The following DIS3L2 variants were observed in gnomAD, a reference collection of about 807,000 sequenced individuals.
DIS3L2 encodes the protein DIS3-like exonuclease 2.
A neutral mutation model predicts 97.5 loss-of-function variants in DIS3L2; 34 were observed. The observed-to-expected ratio is 0.35, with a 90% CI of 0.27 to 0.46. The LOEUF is 0.46. DIS3L2 is among the 20% of genes least tolerant of loss of function. DIS3L2 has a pLI of 1.00. For missense variants in DIS3L2, 1,038 were observed against 1,146.0 expected, an observed-to-expected ratio of 0.91 and a Z score of 1.36; for synonymous variants, 435 against 445.2, an observed-to-expected ratio of 0.98 and a Z score of 0.29.
rs752108989 is a variant in DIS3L2 at position 232,074,890 on chromosome 2, C to T, written c.367-12597C>T. Among the ~76,000 whole-genome samples the T allele has an allele frequency of 4.6e-5, 7 of 152,084 alleles. No individual in the cohort carries two copies. The South Asian group carries it at 1.3e-3, about 27-fold the overall frequency. On this transcript the variant is annotated intron_variant, in intron 5 of 20. Transcript: ENST00000325385. ...GAGCCACCACACCTGGCCGAGGAAC[C>T]GTATAGTGAAAGAATGGCTAAGGAC...
At chr2:232,035,969 A>G (rs1049337196) in intron 5 of DIS3L2, among the ~76,000 whole-genome samples, 2 of 151,028 alleles carry the variant, frequency 1.3e-5, no homozygotes, top group East Asian at 2.0e-4. Context: ...CTTAATTTCA[A>G]CTTTTCCTTC....
chr2:232,053,295 A>G (rs1695457991), intron 5 of DIS3L2, among the ~76,000 whole-genome samples: 3 of 152,192 alleles, frequency 2.0e-5, no homozygotes, highest in African/African-American at 7.2e-5. Context: ...TATTATGTTA[A>G]AAGTAGTTTA....
chr2:232,088,514 A>T (rs1026244602), intron 6 of DIS3L2, among the ~76,000 whole-genome samples: 3 of 150,752 alleles, frequency 2.0e-5, no homozygotes, highest in Non-Finnish European at 4.4e-5. Context: ...GTGAGCCTAG[A>T]TTGTGCCACT....
At chr2:231,993,237 CT>C (rs796949965) in intron 1 of DIS3L2, among the ~76,000 whole-genome samples, 22 of 147,622 alleles carry the variant, frequency 1.5e-4, no homozygotes, top group Non-Finnish European at 1.5e-4. Flanking sequence ...ATGAAGTTAT[CT>C]TTTTTTTTTT....
chr2:232,306,309 A>G (rs142212665), intron 14 of DIS3L2, among the ~76,000 whole-genome samples: 1,689 of 152,226 alleles, frequency 0.011, 20 homozygotes, highest in Non-Finnish European at 0.017. Flanking sequence ...TTATGTGGGG[A>G]TCTCAGTTCC....
At chr2:232,119,812 T>A (rs186994692) in intron 6 of DIS3L2, among the ~76,000 whole-genome samples, 7 of 152,346 alleles carry the variant, frequency 4.6e-5, no homozygotes. Context: ...CTGAAGCCAC[T>A]GCATGGCCAG....
chr2:232,213,911 G>A (rs547624095), intron 10 of DIS3L2, among the ~76,000 whole-genome samples: 6 of 152,144 alleles, frequency 3.9e-5, no homozygotes, highest in Admixed American at 3.9e-4. Context: ...TAGGTTGCAG[G>A]CGGAGGAGAG....
intron 14 of DIS3L2, among the ~76,000 whole-genome samples, chr2:232,315,841 C>T (rs1258030475): frequency 1.3e-5 from 2 of 152,212 alleles, no homozygotes; most frequent in African/African-American, 4.8e-5. Flanking sequence ...AAGCCCAACA[C>T]AGCAAGGCCT....
intron 19 of DIS3L2, chr2:232,335,548 G>C (rs943640584): frequency 4.4e-5 from 25 of 572,626 alleles, no homozygotes; most frequent in Non-Finnish European, 6.6e-5. Flanking sequence ...ATAGCACACA[G>C]AGCCACGGGC....
chr2:232,185,363 A>G (rs2106189167), intron 9 of DIS3L2, among the ~76,000 whole-genome samples: 1 of 152,368 alleles, frequency 6.6e-6, no homozygotes, highest in South Asian at 2.1e-4. Flanking sequence ...TAAAGAGGAA[A>G]TCTTAAAGGA....
At chr2:232,067,314 C>T (rs1029601521) in intron 5 of DIS3L2, among the ~76,000 whole-genome samples, 1 of 152,162 alleles carries the variant, frequency 6.6e-6, no homozygotes, top group Non-Finnish European at 1.5e-5. Context: ...ACATGCATTG[C>T]ACACATGTTA....
rs576348821 is a variant in DIS3L2 at position 232,117,091 on chromosome 2, CT to C, written c.602-13525del. On this transcript the variant is annotated intron_variant, in intron 6 of 20. Transcript: ENST00000325385. ...AGCCCCTTTGGTACCTGCTTCTGCACTTTAGACTACTGCACCCATGACTCTG... is the reference window on the plus strand; with the variant it reads ...AGCCCCTTTGGTACCTGCTTCTGCACTTAGACTACTGCACCCATGACTCTG... Among the ~76,000 whole-genome samples the C allele has an allele frequency of 1.7e-4, 26 of 152,310 alleles. 1 individual carries two copies. In the South Asian group the frequency reaches 5.4e-3, roughly 32 times the overall value.
At chr2:232,121,194 T>C (rs1574890983) in intron 6 of DIS3L2, among the ~76,000 whole-genome samples, 1 of 152,284 alleles carries the variant, frequency 6.6e-6, no homozygotes, top group East Asian at 1.9e-4. Context: ...TTAGTCTCAC[T>C]AGGGTCACCT....
intron 10 of DIS3L2, among the ~76,000 whole-genome samples, chr2:232,214,018 A>C (rs1692267163): frequency 6.6e-6 from 1 of 152,218 alleles, no homozygotes; most frequent in Non-Finnish European, 1.5e-5. Context: ...AACACACTTC[A>C]GGAGAACACT....
At chr2:232,227,538 A>T (rs1452597426) in intron 10 of DIS3L2, among the ~76,000 whole-genome samples, 1 of 152,232 alleles carries the variant, frequency 6.6e-6, no homozygotes, top group Non-Finnish European at 1.5e-5. Flanking sequence ...GGCATACATA[A>T]ATTATGTATA....
chr2:232,294,722 A>G (rs1413999989), intron 13 of DIS3L2, among the ~76,000 whole-genome samples: 1 of 152,166 alleles, frequency 6.6e-6, no homozygotes, highest in African/African-American at 2.4e-5. Flanking sequence ...GATTAGCAAC[A>G]TGGACCATAC....
rs535772798 is a variant in DIS3L2, at chr2:232,197,967, T to TAAAA, written c.1125-12348_1125-12345dup. On this transcript the variant is annotated intron_variant, in intron 9 of 20. Coordinates refer to ENST00000325385, the MANE Select transcript of DIS3L2 (RefSeq NM_152383.5). ...GCGACAGAGTGAGACTCCATCTCAT[T>TAAAA]AAAAAAAAAAAAAAGAAAAGTCTGG... is the stretch of plus-strand genomic sequence containing the variant. Among the ~76,000 whole-genome samples, 174 of 137,864 alleles carry TAAAA rather than the reference T, an allele frequency of 1.3e-3. 2 individuals are homozygous for TAAAA. The highest frequency in any genetic ancestry group is 4.2e-3 in the African/African-American group (156 of 37,348). The allele number at this position is 137,864 out of a possible 152,430, so 90.4% of individuals were successfully genotyped here.
chr2:232,206,366 G>A (rs887451090), intron 9 of DIS3L2, among the ~76,000 whole-genome samples: 4 of 152,126 alleles, frequency 2.6e-5, no homozygotes, highest in African/African-American at 9.7e-5. Flanking sequence ...CCTGTGAAGG[G>A]TCACATAGGA....
intron 5 of DIS3L2, among the ~76,000 whole-genome samples, chr2:232,068,810 T>A (rs988505448): frequency 2.0e-5 from 3 of 152,026 alleles, no homozygotes; most frequent in African/African-American, 4.8e-5. Context: ...ATTGAGCTTA[T>A]TTTTAATTTT....
Sources: allele counts gnomAD v4.1 joint callset (sites outside exome capture counted in the v4.1 genomes callset), GRCh38; gene constraint gnomAD v4.1.1; transcripts MANE v1.5; gene names NCBI Gene and HGNC (gene_info 2026-07-23, HGNC 2026-07-21).